GLIS3: variants seen among roughly 807,000 people sequenced by gnomAD.
GLIS3 encodes GLIS family zinc finger 3, also known as zinc finger protein GLIS3.
GLIS3 carries 53 observed loss-of-function variants against 78.6 expected under a neutral mutation model. That is an observed-to-expected ratio of 0.67 (90% CI 0.54 to 0.85). The LOEUF (loss-of-function observed/expected upper bound fraction) is 0.85, where lower values mean the gene tolerates loss of function less well. Among genes scored for constraint, GLIS3 ranks in the 40% least tolerant of loss-of-function variants. The pLI, the probability that GLIS3 is intolerant of heterozygous loss-of-function variation, is 0.00. For missense variants in GLIS3, 1,703 were observed against 1,231.1 expected (o/e 1.38, Z -5.74); for synonymous variants, 684 against 509.9 (o/e 1.34, Z -4.60).
the GLIS3 span, among the ~76,000 whole-genome samples, chr9:4,485,437 C>T: frequency 6.6e-6 from 1 of 152,174 alleles, no homozygotes; most frequent in African/African-American, 2.4e-5. Context: ...GCATAAGGAC[C>T]ACTTTCCACA....
intron 8 of GLIS3, among the ~76,000 whole-genome samples, chr9:3,877,528 T>C (rs1821397010): frequency 6.6e-6 from 1 of 152,220 alleles, no homozygotes; most frequent in Non-Finnish European, 1.5e-5. Context: ...GTCAGTTTAT[T>C]ATTCTGTCTT....
chr9:4,243,042 T>C (rs1447649380), intron 2 of GLIS3, among the ~76,000 whole-genome samples: 2 of 152,226 alleles, frequency 1.3e-5, no homozygotes, highest in Non-Finnish European at 2.9e-5. Context: ...TATTCTACCA[T>C]GATTAATCCT....
intron 2 of GLIS3, among the ~76,000 whole-genome samples, chr9:4,333,238 G>GAGGGTAAGGAAAGGAAA (rs1554659427): frequency 1.4e-5 from 2 of 145,308 alleles, no homozygotes; most frequent in African/African-American, 5.2e-5. Flanking sequence ...AGGAAAAGTG[G>GAGGGTAAGGAAAGGAAA]AGGGGAAGGA....
the GLIS3 span, among the ~76,000 whole-genome samples, chr9:4,358,725 CACATATGTGTTTATGTGTGT>C: frequency 6.6e-6 from 1 of 152,144 alleles, no homozygotes; most frequent in Non-Finnish European, 1.5e-5. Flanking sequence ...TGTATGTGTG[CACATATGTGTTTATGTGTGT>C]ACATATGTGT....
chr9:4,452,351 A>G, the GLIS3 span, among the ~76,000 whole-genome samples: 1 of 152,112 alleles, frequency 6.6e-6, no homozygotes, highest in Admixed American at 6.6e-5. Context: ...AGAAAGAAAG[A>G]GTGTTCAAAT....
intron 2 of GLIS3, among the ~76,000 whole-genome samples, chr9:4,136,816 A>G (rs1833441895): frequency 1.3e-5 from 2 of 152,220 alleles, no homozygotes; most frequent in East Asian, 1.9e-4. Context: ...GAACTGATTT[A>G]AAAGCTGGAC....
At chr9:4,473,599 A>G in the GLIS3 span, among the ~76,000 whole-genome samples, 3 of 152,134 alleles carry the variant, frequency 2.0e-5, no homozygotes, top group Non-Finnish European at 4.4e-5. Flanking sequence ...ATGAGAACAC[A>G]TGGACACATA....
rs527280742 is a variant in GLIS3, at chr9:3,852,809, A to G, written c.2473+3200T>C. ...AACAGTCACTGGCCCATCTTCCTGG[A>G]GAAAGTCATAATTTCTCAATTTGCC... On this transcript the variant is annotated intron_variant, in intron 9 of 10. Coordinates refer to ENST00000381971, the MANE Select transcript of GLIS3 (RefSeq NM_001042413.2). 4.6e-5 allele frequency among the ~76,000 whole-genome samples: 7 copies of G among 152,340 alleles called. No individual in the cohort carries two copies. In the East Asian group the frequency reaches 1.3e-3, roughly 29 times the overall value.
chr9:4,398,551 C>G, the GLIS3 span, among the ~76,000 whole-genome samples: 3 of 152,000 alleles, frequency 2.0e-5, no homozygotes, highest in Admixed American at 1.3e-4. Context: ...TCTTCCACCC[C>G]CTGCTCCAGC....
the GLIS3 span, among the ~76,000 whole-genome samples, chr9:4,368,711 A>G: frequency 1.3e-5 from 2 of 152,152 alleles, no homozygotes; most frequent in Non-Finnish European, 2.9e-5. Context: ...GACTTTGACG[A>G]AGCCACTTCG....
chr9:4,131,492 C>T (rs1490879624), intron 2 of GLIS3, among the ~76,000 whole-genome samples: 2 of 152,116 alleles, frequency 1.3e-5, no homozygotes, highest in Non-Finnish European at 2.9e-5. Context: ...TTGGCACTGT[C>T]CCTTTGCTGC....
intron 4 of GLIS3, among the ~76,000 whole-genome samples, chr9:4,013,549 A>T (rs929580044): frequency 6.6e-6 from 1 of 152,232 alleles, no homozygotes; most frequent in Non-Finnish European, 1.5e-5. Context: ...TATAGCCTGC[A>T]TACAGGGCCT....
intron 4 of GLIS3, among the ~76,000 whole-genome samples, chr9:3,982,657 G>A (rs1819400158): frequency 6.6e-6 from 1 of 152,192 alleles, no homozygotes; most frequent in African/African-American, 2.4e-5. Context: ...TTTCTGGCCA[G>A]TCAGAAAGGC....
chr9:4,258,216 G>C (rs866649645), intron 2 of GLIS3, among the ~76,000 whole-genome samples: 8 of 151,922 alleles, frequency 5.3e-5, no homozygotes, highest in African/African-American at 1.7e-4. Flanking sequence ...TAAATAAAGA[G>C]GTACTAGAGA....
chr9:4,190,465 G>A (rs2131215657), intron 2 of GLIS3, among the ~76,000 whole-genome samples: 1 of 139,412 alleles, frequency 7.2e-6, no homozygotes, highest in African/African-American at 2.4e-5. Flanking sequence ...AATGAAGCGA[G>A]AAGGGAAGTT....
At chr9:4,387,221 A>G in the GLIS3 span, among the ~76,000 whole-genome samples, 1 of 152,220 alleles carries the variant, frequency 6.6e-6, no homozygotes, top group African/African-American at 2.4e-5. Flanking sequence ...AAGTCTTAGC[A>G]TGAGCAATTC....
At chr9:4,363,908 G>C in the GLIS3 span, among the ~76,000 whole-genome samples, 1 of 152,182 alleles carries the variant, frequency 6.6e-6, no homozygotes, top group Non-Finnish European at 1.5e-5. Flanking sequence ...CTCCAAGAGT[G>C]TTTCCAGTTA....
At chr9:4,320,687 C>G (rs1026484959) in intron 2 of GLIS3, among the ~76,000 whole-genome samples, 3 of 152,078 alleles carry the variant, frequency 2.0e-5, no homozygotes, top group Non-Finnish European at 4.4e-5. Flanking sequence ...ACCGCCATCA[C>G]CACATCACCA....
intron 4 of GLIS3, among the ~76,000 whole-genome samples, chr9:3,957,279 A>G (rs1158191416): frequency 6.6e-6 from 1 of 152,226 alleles, no homozygotes; most frequent in South Asian, 2.1e-4. Context: ...GCAGTAATCA[A>G]TGTATTTGGA....
Sources: gnomAD v4.1 joint callset for allele counts (sites outside exome capture counted in the v4.1 genomes callset) on GRCh38, gnomAD v4.1.1 for gene constraint, MANE v1.5 for transcripts, NCBI Gene and HGNC (gene_info 2026-07-23, HGNC 2026-07-21) for gene names.